The following CENPK variants were observed in gnomAD, a reference collection of about 807,000 sequenced individuals.
CENPK encodes SoxLZ/Sox6-binding protein Solt.
Under a neutral mutation model 40.9 loss-of-function variants are expected in CENPK, and 46 were observed. That is an observed-to-expected ratio of 1.13 (90% CI 0.89 to 1.44). CENPK has a LOEUF of 1.44. Ranked by LOEUF, CENPK falls within the 40% of genes most tolerant of loss-of-function variation. The probability of loss-of-function intolerance (pLI) is 0.00; values close to 1 mark genes in which losing one functional copy is unlikely to be tolerated. For missense variants in CENPK, 288 were observed against 303.5 expected (o/e 0.95, Z 0.38); for synonymous variants, 107 against 104.4 (o/e 1.02, Z -0.15).
intron 5 of CENPK, among the ~76,000 whole-genome samples, chr5:65,546,189 A>G (rs909827240): frequency 6.6e-6 from 1 of 151,774 alleles, no homozygotes; most frequent in Admixed American, 6.6e-5. Context: ...GTAACTAGTT[A>G]TATGTTCTAG....
chr5:65,525,460 A>G (rs1286315195), intron 9 of CENPK, among the ~76,000 whole-genome samples: 1 of 152,168 alleles, frequency 6.6e-6, no homozygotes, highest in Non-Finnish European at 1.5e-5. Flanking sequence ...TTATGGTTCT[A>G]TATGTATATG....
chr5:65,527,882 C>G (rs1337109524), intron 9 of CENPK, among the ~76,000 whole-genome samples: 1 of 152,088 alleles, frequency 6.6e-6, no homozygotes, highest in East Asian at 1.9e-4. Context: ...TGAAGGTGTT[C>G]AATACATTAT....
In CENPK at chr5:65,529,055, T is replaced by C. The variant is rs201048796; in HGVS notation, c.372-38A>G. 3.9e-6 allele frequency: 6 copies of C among 1,551,104 alleles called. No homozygotes were observed. The East Asian group carries it at 1.3e-4, about 35-fold the overall frequency. The stretch of plus-strand genomic sequence containing the variant: ...AAAAACAATACAAGCAATATCTAAA[T>C]AAAACTTTAAATGTCACTTAATATA... On this transcript the variant is annotated intron_variant, in intron 7 of 10. Coordinates refer to ENST00000396679, the MANE Select transcript of CENPK (RefSeq NM_022145.5).
intron 2 of CENPK, among the ~76,000 whole-genome samples, chr5:65,555,862 G>T (rs533448802): frequency 6.6e-6 from 1 of 152,316 alleles, no homozygotes; most frequent in South Asian, 2.1e-4. Flanking sequence ...TACATTTGAG[G>T]TGTCAATTAT....
chr5:65,513,212 GTGT>G (rs1245063088), downstream of CENPK, among the ~76,000 whole-genome samples: 1 of 152,002 alleles, frequency 6.6e-6, no homozygotes, highest in Admixed American at 6.6e-5. Context: ...CATGCTTTTG[GTGT>G]TGTAGCTAAA....
chr5:65,546,218 A>G (rs2150478602), intron 5 of CENPK, among the ~76,000 whole-genome samples: 1 of 126,328 alleles, frequency 7.9e-6, no homozygotes, highest in Middle Eastern at 4.5e-3. Context: ...TTTTTGTTCT[A>G]TTCTCCCCTG....
At chr5:65,512,323 A>C in the CENPK span, among the ~76,000 whole-genome samples, 1 of 152,228 alleles carries the variant, frequency 6.6e-6, no homozygotes, top group Non-Finnish European at 1.5e-5. Flanking sequence ...TTATTTTGAA[A>C]GTTCTACTGT....
intron 10 of CENPK, 26 bp from the exon 11 acceptor site, chr5:65,518,659 T>C: frequency 6.7e-7 from 1 of 1,486,028 alleles, no homozygotes; most frequent in Middle Eastern, 1.7e-4. Context: ...ATTCAAAATA[T>C]ACTTTACTTG....
chr5:65,540,884 T>C (rs1747842161), intron 6 of CENPK, among the ~76,000 whole-genome samples: 1 of 151,414 alleles, frequency 6.6e-6, no homozygotes, highest in Non-Finnish European at 1.5e-5. Flanking sequence ...CATGGCTCAC[T>C]GCAGCCTCAA....
chr5:65,522,654 T>G (rs1329179146), intron 9 of CENPK, among the ~76,000 whole-genome samples: 1 of 152,140 alleles, frequency 6.6e-6, no homozygotes, highest in Non-Finnish European at 1.5e-5. Flanking sequence ...TGGTCTCAAA[T>G]TTTTGGCTTC....
chr5:65,534,111 T>C (rs1190630753), intron 6 of CENPK, among the ~76,000 whole-genome samples: 2 of 143,086 alleles, frequency 1.4e-5, no homozygotes, highest in Non-Finnish European at 3.1e-5. Context: ...TACCATTTAA[T>C]AGTCAAAATT....
At chr5:65,529,362 A>G (rs1745313935) in intron 6 of CENPK, 163 bp from the exon 7 acceptor site, 1 of 526,390 alleles carries the variant, frequency 1.9e-6, no homozygotes, top group East Asian at 3.1e-5. Context: ...AGTAGGCGCT[A>G]AATTTGTGGT....
chr5:65,536,608 G>T (rs1746937615), intron 6 of CENPK, among the ~76,000 whole-genome samples: 1 of 151,552 alleles, frequency 6.6e-6, no homozygotes, highest in Non-Finnish European at 1.5e-5. Context: ...GGGCAACAGA[G>T]TAATAACCTG....
At chr5:65,513,357 T>C (rs1437707958), downstream of CENPK, among the ~76,000 whole-genome samples, 1 of 152,226 alleles carries the variant, frequency 6.6e-6, no homozygotes, top group African/African-American at 2.4e-5. Flanking sequence ...GGGATTTTTA[T>C]TGAGATTTCA....
chr5:65,543,731 A>C (rs1468775688), intron 5 of CENPK, among the ~76,000 whole-genome samples: 2 of 152,184 alleles, frequency 1.3e-5, no homozygotes, highest in African/African-American at 4.8e-5. Flanking sequence ...CAGTAAGCAG[A>C]CTTTTATACA....
intron 6 of CENPK, among the ~76,000 whole-genome samples, chr5:65,531,546 TA>T (rs1745845425): frequency 6.6e-6 from 1 of 151,860 alleles, no homozygotes; most frequent in African/African-American, 2.4e-5. Flanking sequence ...GCTCTGTCGT[TA>T]GGCTGGAGTG....
At chr5:65,514,228 A>ATATTTTTTTTTTT (rs199873665), downstream of CENPK, among the ~76,000 whole-genome samples, 2 of 61,648 alleles carry the variant, frequency 3.2e-5, no homozygotes, top group East Asian at 3.5e-4. Context: ...GCCTCACATA[A>ATATTTTTTTTTTT]TCTTTTTTTT....
intron 2 of CENPK, among the ~76,000 whole-genome samples, chr5:65,558,454 C>T (rs369244831): frequency 1.7e-4 from 26 of 152,116 alleles, no homozygotes; most frequent in East Asian, 1.2e-3. Flanking sequence ...GGTAAGTAGA[C>T]GTGTTGCTAG....
At chr5:65,547,886 G>A (rs553188674) in intron 5 of CENPK, among the ~76,000 whole-genome samples, 4 of 152,176 alleles carry the variant, frequency 2.6e-5, no homozygotes, top group South Asian at 2.1e-4. Flanking sequence ...GGATGGTCTC[G>A]ATCTCCTGAC....
Sources: allele counts gnomAD v4.1 joint callset (sites outside exome capture counted in the v4.1 genomes callset), GRCh38; gene constraint gnomAD v4.1.1; transcripts MANE v1.5; gene names NCBI Gene and HGNC (gene_info 2026-07-23, HGNC 2026-07-21).